Variants in CC2D2A observed in about 807,000 individuals in gnomAD.
CC2D2A encodes coiled-coil and C2 domain containing 2A.
CC2D2A carries 155 observed loss-of-function variants against 212.9 expected under a neutral mutation model. The observed-to-expected ratio is 0.73, with a 90% confidence interval of 0.64 to 0.83. The LOEUF (loss-of-function observed/expected upper bound fraction) is 0.83, where lower values mean the gene tolerates loss of function less well. CC2D2A is among the 40% of genes least tolerant of loss of function. The pLI is 0.00. For synonymous variants in CC2D2A, 667 were observed against 686.5 expected, an observed-to-expected ratio of 0.97 and a Z score of 0.44; for missense variants, 1,856 against 1,956.2, an observed-to-expected ratio of 0.95 and a Z score of 0.97.
intron 11 of CC2D2A, among the ~76,000 whole-genome samples, chr4:15,524,251 A>T (rs1577347189): frequency 6.7e-6 from 1 of 149,536 alleles, no homozygotes; most frequent in Non-Finnish European, 1.5e-5. Flanking sequence ...CTCTGCCTCA[A>T]CCTCCCGAGT....
Position 15,527,933 on chromosome 4 carries a change from T to C in CC2D2A, c.1359+277T>C, listed in dbSNP as rs112683457. 1.4e-4 allele frequency among the ~76,000 whole-genome samples: 22 copies of C among 152,350 alleles called. 1 individual carries two copies. The highest frequency in any genetic ancestry group is 5.1e-4 in the African/African-American group (21 of 41,578). ...AGAAGTGGGTGTTAGGTGGAAGATA[T>C]GTGGCTATTACTTGCTTCCGTGATC... On this transcript the variant is annotated intron_variant, in intron 12 of 36. Coordinates refer to ENST00000424120, the MANE Select transcript of CC2D2A (RefSeq NM_001378615.1).
chr4:15,545,815 G>C (rs544511488), intron 17 of CC2D2A, among the ~76,000 whole-genome samples: 1 of 152,066 alleles, frequency 6.6e-6, no homozygotes, highest in South Asian at 2.1e-4. Context: ...AAAAAGGGGA[G>C]AATCAGAGTT....
intron 17 of CC2D2A, among the ~76,000 whole-genome samples, chr4:15,549,035 T>A (rs954528249): frequency 6.6e-6 from 1 of 152,208 alleles, no homozygotes. Context: ...TTATGCTTTT[T>A]AAAAATATCT....
At chr4:15,497,627 T>C (rs2160043) in intron 4 of CC2D2A, among the ~76,000 whole-genome samples, 76,155 of 152,024 alleles carry the variant, frequency 0.5, 19,128 homozygotes, top group African/African-American at 0.53. Flanking sequence ...CCTACCAGCA[T>C]AGAAGTTTTA....
rs573324415 is a variant in CC2D2A at position 15,568,892 on chromosome 4, T to C, written c.3399-401T>C. Among the ~76,000 whole-genome samples the C allele has an allele frequency of 4.6e-5, 7 of 152,124 alleles. No individual in the cohort carries two copies. The East Asian group carries it at 9.7e-4, about 21-fold the overall frequency. ...TAGGAGGTTTATCACTGGAGAGTGG[T>C]TTTGCTGGAGAAGCACCCTTCTGGG... On this transcript the variant is annotated intron_variant, in intron 26 of 36. Transcript: ENST00000424120.
intron 19 of CC2D2A, among the ~76,000 whole-genome samples, chr4:15,553,999 T>A (rs1212381301): frequency 2.0e-5 from 3 of 152,230 alleles, no homozygotes; most frequent in Non-Finnish European, 4.4e-5. Context: ...TCACAGGCTG[T>A]CATGTTCAAC....
At chr4:15,493,576 T>C (rs567781450) in intron 4 of CC2D2A, among the ~76,000 whole-genome samples, 4 of 152,256 alleles carry the variant, frequency 2.6e-5, no homozygotes, top group African/African-American at 9.6e-5. Flanking sequence ...TCTGGCCTAG[T>C]CTATTTAAAA....
chr4:15,520,641 A>G (rs139072399), intron 11 of CC2D2A, among the ~76,000 whole-genome samples: 4 of 152,250 alleles, frequency 2.6e-5, no homozygotes, highest in Non-Finnish European at 5.9e-5. Flanking sequence ...TATCCCTTGC[A>G]CTAAGGGTAA....
chr4:15,538,029 AGGAGGTGAG>A lies in CC2D2A; in HGVS notation c.1900_1908del (p.Val634_Glu636del). ...CCCACTGATCGGGCAGTGATAGAGC[AGGAGGTGAG>A]GGAGAGAGCAGCCCAGAGCAGGAGG... On this transcript the variant is annotated inframe_deletion, in exon 16 of 37. Transcript: ENST00000424120. 6.2e-7 allele frequency: 1 copy of A among 1,608,718 alleles called. No individual in the cohort carries two copies.
Position 15,563,508 on chromosome 4 carries a change from GAA to G in CC2D2A, c.3169_3170del (p.Lys1057AlafsTer18). On this transcript the variant is annotated frameshift_variant, in exon 24 of 37. Transcript: ENST00000424120. LOFTEE classifies it high-confidence loss of function. ...TGCGAGCTTACGACATTCCAGTGAG[GAA>G]GCCGGCAGTGAGGTGAGAGCCCTCC... The part of the protein sequence containing the change: ...IVRAYDIPVR[K>X]PAVSKFQQPS... 1 of 1,611,934 alleles carries G rather than the reference GAA, an allele frequency of 6.2e-7. No individual in the cohort carries two copies. Among genetic ancestry groups the G allele is most frequent in the Non-Finnish European group, 8.5e-7 (1 of 1,179,128 alleles).
At chr4:15,529,866 A>G (rs990331967) in intron 13 of CC2D2A, among the ~76,000 whole-genome samples, 1 of 139,084 alleles carries the variant, frequency 7.2e-6, no homozygotes. Flanking sequence ...AGGTCTTTTT[A>G]TTTTTTTATT....
At chr4:15,581,059 T>C (rs1418909033) in intron 30 of CC2D2A, among the ~76,000 whole-genome samples, 1 of 152,218 alleles carries the variant, frequency 6.6e-6, no homozygotes, top group East Asian at 1.9e-4. Flanking sequence ...GCTAATTTTA[T>C]GTGGATACCA....
chr4:15,500,968 G>A (rs910363198), intron 4 of CC2D2A, among the ~76,000 whole-genome samples: 3 of 152,012 alleles, frequency 2.0e-5, no homozygotes, highest in African/African-American at 4.8e-5. Context: ...AAGCACCTGC[G>A]ACTTATCTGG....
chr4:15,489,239 G>A (rs911083089), intron 4 of CC2D2A, among the ~76,000 whole-genome samples: 13 of 152,130 alleles, frequency 8.5e-5, no homozygotes, highest in African/African-American at 3.1e-4. Flanking sequence ...CTTTTTAAAA[G>A]TCATGAGGAC....
At chr4:15,540,797 A>G in intron 16 of CC2D2A, 40 bp from the exon 17 acceptor site, 1 of 1,544,286 alleles carries the variant, frequency 6.5e-7, no homozygotes, top group Non-Finnish European at 8.8e-7. Context: ...ATCTTAGTAA[A>G]TTATTACTAA....
intron 33 of CC2D2A, among the ~76,000 whole-genome samples, chr4:15,593,656 G>A (rs976753524): frequency 5.9e-5 from 9 of 152,050 alleles, no homozygotes; most frequent in South Asian, 4.2e-4. Flanking sequence ...TTCATCAGTC[G>A]GTTTTTTGGC....
At chr4:15,595,557 G>A (rs1210962530) in intron 33 of CC2D2A, among the ~76,000 whole-genome samples, 9 of 152,142 alleles carry the variant, frequency 5.9e-5, no homozygotes, top group African/African-American at 1.7e-4. Context: ...GAAGGAAACC[G>A]AGGCATACAG....
At chr4:15,566,919 G>C (rs1719906705) in intron 24 of CC2D2A, among the ~76,000 whole-genome samples, 1 of 152,058 alleles carries the variant, frequency 6.6e-6, no homozygotes, top group Non-Finnish European at 1.5e-5. Flanking sequence ...AGGCTGGAGT[G>C]AGCCATAATC....
chr4:15,526,038 A>G (rs1717491805), intron 11 of CC2D2A, among the ~76,000 whole-genome samples: 1 of 152,192 alleles, frequency 6.6e-6, no homozygotes, highest in South Asian at 2.1e-4. Context: ...AAATAAAACA[A>G]TCTGTTCAAA....
Sources: allele counts gnomAD v4.1 joint callset (sites outside exome capture counted in the v4.1 genomes callset), GRCh38; gene constraint gnomAD v4.1.1; transcripts MANE v1.5; gene names NCBI Gene and HGNC (gene_info 2026-07-23, HGNC 2026-07-21).